The following CNTN5 variants were observed in gnomAD, a reference collection of about 807,000 sequenced individuals.
CNTN5 encodes contactin-5.
In CNTN5, 77 loss-of-function variants were observed where a neutral mutation model predicts 129.1. The ratio of observed to expected loss-of-function variants is 0.60; its 90% CI spans 0.50 to 0.72. The LOEUF is 0.72. CNTN5 is among the 30% of genes least tolerant of loss of function. The pLI is 0.00. For synonymous variants in CNTN5, 509 were observed against 465.6 expected (o/e 1.09, Z -1.20); for missense variants, 1,478 against 1,328.8 (o/e 1.11, Z -1.75).
At chr11:99,986,751 T>C (rs995330720) in intron 8 of CNTN5, among the ~76,000 whole-genome samples, 1 of 152,192 alleles carries the variant, frequency 6.6e-6, no homozygotes, top group African/African-American at 2.4e-5. Context: ...TGTTTTCTTA[T>C]ACCTAATCCT....
At chr11:99,264,915 A>G (rs1862817338) in intron 1 of CNTN5, among the ~76,000 whole-genome samples, 1 of 152,054 alleles carries the variant, frequency 6.6e-6, no homozygotes, top group South Asian at 2.1e-4. Context: ...AAAGTTTGTT[A>G]TCAGCTAATT....
intron 10 of CNTN5, among the ~76,000 whole-genome samples, chr11:100,067,328 G>C (rs373590423): frequency 6.6e-6 from 1 of 151,964 alleles, no homozygotes; most frequent in East Asian, 1.9e-4. Flanking sequence ...GTGTGTGTAT[G>C]TTTATGCGTT....
At chr11:100,241,711 A>G (rs1433100001) in intron 16 of CNTN5, among the ~76,000 whole-genome samples, 2 of 152,140 alleles carry the variant, frequency 1.3e-5, no homozygotes, top group Non-Finnish European at 2.9e-5. Flanking sequence ...TGGGGAAAGG[A>G]TGGTTTAATT....
chr11:99,536,251 A>G (rs1028367221), intron 2 of CNTN5, among the ~76,000 whole-genome samples: 13 of 138,048 alleles, frequency 9.4e-5, no homozygotes, highest in African/African-American at 2.8e-4. Context: ...GCCTTCAAAT[A>G]ATAAGAAAAT....
At chr11:99,292,391 G>A (rs1383144084) in intron 1 of CNTN5, among the ~76,000 whole-genome samples, 1 of 151,964 alleles carries the variant, frequency 6.6e-6, no homozygotes, top group African/African-American at 2.4e-5. Context: ...TGAAATCAAA[G>A]GAAAGACCAC....
intron 3 of CNTN5, among the ~76,000 whole-genome samples, chr11:99,761,117 G>T (rs1334169485): frequency 7.2e-5 from 11 of 152,044 alleles, no homozygotes; most frequent in Non-Finnish European, 1.6e-4. Context: ...TATATGTGTA[G>T]AAGGTAATTA....
chr11:99,803,349 C>T lies in CNTN5; in HGVS notation c.56-16195C>T, dbSNP rs1351453206. Among the ~76,000 whole-genome samples, 10 of 152,278 alleles carry T rather than the reference C, an allele frequency of 6.6e-5. No homozygotes were observed. The East Asian group carries it at 1.7e-3, about 26-fold the overall frequency. On this transcript the variant is annotated intron_variant, in intron 3 of 24. Transcript: ENST00000524871. ...ACAGCTGTAGTAGCTCTTCTCCCAC[C>T]CTAGGCCTGTGATGAGGGACAGCAT...
rs1285235325 is a variant in CNTN5, at chr11:99,298,100, C to T, written c.-209-27246C>T. Among the ~76,000 whole-genome samples the T allele has an allele frequency of 2.0e-5, 3 of 152,108 alleles. 1 individual carries two copies. Among genetic ancestry groups the T allele is most frequent in the South Asian group, 4.1e-4 (2 of 4,830 alleles). Reference sequence around the variant, plus strand: ...AGAGATTAAAGGACCCAAGTGGGCCCTGTAGGTACCTTGCGTGTTCACTCA... The same window carrying T: ...AGAGATTAAAGGACCCAAGTGGGCCTTGTAGGTACCTTGCGTGTTCACTCA... On this transcript the variant is annotated intron_variant, in intron 1 of 24. Coordinates refer to ENST00000524871, the MANE Select transcript of CNTN5 (RefSeq NM_014361.4).
chr11:99,448,592 C>T (rs548807710), intron 2 of CNTN5, among the ~76,000 whole-genome samples: 1 of 151,674 alleles, frequency 6.6e-6, no homozygotes, highest in South Asian at 2.1e-4. Flanking sequence ...TAAATCCCTA[C>T]CCTAGGAACC....
chr11:99,465,058 C>T (rs958651984), intron 2 of CNTN5, among the ~76,000 whole-genome samples: 33 of 152,234 alleles, frequency 2.2e-4, no homozygotes, highest in African/African-American at 6.5e-4. Context: ...AGCTTGAGAA[C>T]GGAAATCATG....
intron 6 of CNTN5, among the ~76,000 whole-genome samples, chr11:99,902,969 T>C (rs1949398375): frequency 6.6e-6 from 1 of 152,192 alleles, no homozygotes; most frequent in Non-Finnish European, 1.5e-5. Context: ...AACTGAGTTA[T>C]GAAATGAAAC....
At chr11:99,933,512 C>A (rs1950238154) in intron 7 of CNTN5, among the ~76,000 whole-genome samples, 1 of 152,086 alleles carries the variant, frequency 6.6e-6, no homozygotes, top group Admixed American at 6.6e-5. Flanking sequence ...ATTTTTCCCC[C>A]AATTCTCATC....
At chr11:99,363,874 C>T (rs1292293182) in intron 2 of CNTN5, among the ~76,000 whole-genome samples, 1 of 152,110 alleles carries the variant, frequency 6.6e-6, no homozygotes, top group Non-Finnish European at 1.5e-5. Context: ...TATCTTGACG[C>T]TATCACTAGT....
chr11:99,880,816 T>C (rs1004720844), intron 6 of CNTN5, among the ~76,000 whole-genome samples: 6 of 152,264 alleles, frequency 3.9e-5, no homozygotes, highest in African/African-American at 7.2e-5. Context: ...GTAGGAAATA[T>C]TATTTTGGAG....
intron 1 of CNTN5, among the ~76,000 whole-genome samples, chr11:99,155,136 G>C (rs1468102916): frequency 6.6e-6 from 1 of 152,154 alleles, no homozygotes; most frequent in African/African-American, 2.4e-5. Flanking sequence ...CCCTGGAGTT[G>C]CAGGAGGCCA....
chr11:99,293,991 G>T (rs183496851), intron 1 of CNTN5, among the ~76,000 whole-genome samples: 45 of 150,654 alleles, frequency 3.0e-4, no homozygotes, highest in African/African-American at 1.1e-3. Context: ...TTAGTTTTTT[G>T]ATGAGCATTG....
At chr11:99,818,603 C>T (rs1257167220) in intron 3 of CNTN5, among the ~76,000 whole-genome samples, 1 of 152,142 alleles carries the variant, frequency 6.6e-6, no homozygotes, top group African/African-American at 2.4e-5. Context: ...GCAAATTGTC[C>T]AGCTTAATTG....
intron 1 of CNTN5, among the ~76,000 whole-genome samples, chr11:99,197,088 G>T (rs1241985698): frequency 6.6e-6 from 1 of 151,850 alleles, no homozygotes; most frequent in Non-Finnish European, 1.5e-5. Flanking sequence ...TTTTCAGAAA[G>T]TCAAGAATAC....
chr11:99,443,129 C>T (rs1339947476), intron 2 of CNTN5, among the ~76,000 whole-genome samples: 1 of 152,028 alleles, frequency 6.6e-6, no homozygotes, highest in East Asian at 1.9e-4. Flanking sequence ...GACAAAGATA[C>T]TGGATAGAAG....
Sources: gnomAD v4.1 joint callset for allele counts (sites outside exome capture counted in the v4.1 genomes callset) on GRCh38, gnomAD v4.1.1 for gene constraint, MANE v1.5 for transcripts, NCBI Gene and HGNC (gene_info 2026-07-23, HGNC 2026-07-21) for gene names.